Variants in TMED10 observed in about 807,000 individuals in gnomAD.
TMED10 encodes the protein transmembrane p24 trafficking protein 10, also known as transmembrane emp24 domain-containing protein 10.
TMED10 carries 7 observed loss-of-function variants against 23.1 expected under a neutral mutation model. The ratio of observed to expected loss-of-function variants is 0.30; its 90% CI spans 0.17 to 0.57. The LOEUF is 0.57. TMED10 is among the 20% of genes least tolerant of loss of function. The pLI is 0.91. For synonymous variants in TMED10, 113 were observed against 106.9 expected, an observed-to-expected ratio of 1.06 and a Z score of -0.35; for missense variants, 162 against 274.8, an observed-to-expected ratio of 0.59 and a Z score of 2.90.
At chr14:75,164,577 A>ATATTTT (rs1566675301) in intron 1 of TMED10, among the ~76,000 whole-genome samples, 2 of 45,088 alleles carry the variant, frequency 4.4e-5, no homozygotes. Context: ...ATATATATAT[A>ATATTTT]TTTTTTTTTT....
At chr14:75,161,825 A>G (rs2139852369) in intron 1 of TMED10, among the ~76,000 whole-genome samples, 1 of 152,108 alleles carries the variant, frequency 6.6e-6, no homozygotes, top group African/African-American at 2.4e-5. Context: ...GCATTTAAAA[A>G]AAAAAAAAAA....
intron 1 of TMED10, among the ~76,000 whole-genome samples, chr14:75,164,546 TATATATATATATATATATATATATA>T (rs1409139492): frequency 0.017 from 579 of 33,562 alleles, 43 homozygotes; most frequent in East Asian, 0.035. Context: ...TATATATATA[TATATATATATATATATATATATATA>T]TATATATTTT....
At chr14:75,153,397 C>T (rs1370382335) in intron 1 of TMED10, among the ~76,000 whole-genome samples, 1 of 152,112 alleles carries the variant, frequency 6.6e-6, no homozygotes, top group Non-Finnish European at 1.5e-5. Flanking sequence ...CAGACTTAAG[C>T]TGCTCTATTA....
intron 1 of TMED10, among the ~76,000 whole-genome samples, chr14:75,154,819 A>G (rs1186212020): frequency 3.3e-5 from 5 of 151,912 alleles, no homozygotes; most frequent in African/African-American, 1.2e-4. Flanking sequence ...ACATGCCACC[A>G]CACCCGGCTA....
At chr14:75,150,934 G>A (rs897860533) in intron 2 of TMED10, among the ~76,000 whole-genome samples, 1 of 152,060 alleles carries the variant, frequency 6.6e-6, no homozygotes, top group African/African-American at 2.4e-5. Flanking sequence ...ACAGAGTCTC[G>A]CTCTGTCACC....
chr14:75,170,265 A>G (rs1475079147), intron 1 of TMED10, among the ~76,000 whole-genome samples: 2 of 152,062 alleles, frequency 1.3e-5, no homozygotes, highest in African/African-American at 2.4e-5. Flanking sequence ...AACGGACACC[A>G]TGAAAAAGAC....
chr14:75,164,739 T>C lies in TMED10; in HGVS notation c.225+11616A>G, dbSNP rs183240583. ...TCTCTGGCCCATTAACCATATGTTC[T>C]AACCTAAGAGTACTAATGGATGGCA... is the stretch of plus-strand genomic sequence containing the variant. On this transcript the variant is annotated intron_variant, in intron 1 of 4. Transcript: ENST00000303575. Among the ~76,000 whole-genome samples the C allele has an allele frequency of 1.6e-4, 23 of 147,792 alleles. No individual in the cohort carries two copies. The East Asian group carries it at 4.3e-3, about 28-fold the overall frequency.
At chr14:75,147,149 T>G (rs1199594452) in intron 3 of TMED10, among the ~76,000 whole-genome samples, 2 of 151,464 alleles carry the variant, frequency 1.3e-5, no homozygotes, top group African/African-American at 4.9e-5. Context: ...GTTCAGTCTT[T>G]GGCTGACAGC....
chr14:75,152,317 T>C (rs1895964261), intron 1 of TMED10, among the ~76,000 whole-genome samples, 174 bp from the exon 2 acceptor site: 2 of 152,230 alleles, frequency 1.3e-5, no homozygotes, highest in African/African-American at 4.8e-5. Flanking sequence ...TAAATCCAAA[T>C]ACAGCAAATT....
At chr14:75,159,347 A>T (rs1157190310) in intron 1 of TMED10, among the ~76,000 whole-genome samples, 1 of 152,244 alleles carries the variant, frequency 6.6e-6, no homozygotes, top group Non-Finnish European at 1.5e-5. Flanking sequence ...AAATGTCTAA[A>T]TGTAAGTGAA....
chr14:75,168,438 A>G (rs2300600), intron 1 of TMED10, among the ~76,000 whole-genome samples: 2 of 152,228 alleles, frequency 1.3e-5, no homozygotes, highest in East Asian at 3.8e-4. Context: ...TATTTCAATG[A>G]CATATAGCAT....
At chr14:75,153,051 G>A (rs929595152) in intron 1 of TMED10, among the ~76,000 whole-genome samples, 2 of 152,214 alleles carry the variant, frequency 1.3e-5, no homozygotes, top group Non-Finnish European at 2.9e-5. Flanking sequence ...GAACCTGGGA[G>A]GCGGAGGTTG....
intron 1 of TMED10, among the ~76,000 whole-genome samples, chr14:75,174,691 C>G (rs905470336): frequency 2.0e-5 from 3 of 152,190 alleles, no homozygotes; most frequent in African/African-American, 4.8e-5. Flanking sequence ...TACCACACTA[C>G]TGGGTTCCAC....
At chr14:75,135,658 C>T (rs1895740305) in intron 4 of TMED10, 102 bp downstream of exon 4, 3 of 1,507,888 alleles carry the variant, frequency 2.0e-6, no homozygotes, top group Non-Finnish European at 2.7e-6. Context: ...CCTCCATATA[C>T]CCACCTTGGC....
At chr14:75,164,525 C>G (rs1896125926) in intron 1 of TMED10, among the ~76,000 whole-genome samples, 1 of 130,582 alleles carries the variant, frequency 7.7e-6, no homozygotes, top group African/African-American at 3.0e-5. Context: ...GCCACTGCAC[C>G]TGGCCTAATA....
intron 2 of TMED10, 108 bp downstream of exon 2, chr14:75,151,924 G>T (rs1895960293): frequency 1.0e-6 from 1 of 990,202 alleles, no homozygotes; most frequent in South Asian, 1.7e-5. Context: ...CTCCAAATCA[G>T]AATAAATAAA....
Position 75,145,324 on chromosome 14 carries a change from A to G in TMED10, c.411+2340T>C, listed in dbSNP as rs115582479. 1.0e-2 allele frequency among the ~76,000 whole-genome samples: 1,516 copies of G among 152,292 alleles called. 19 individuals carry two copies. The highest frequency in any genetic ancestry group is 0.032 in the African/African-American group (1,330 of 41,562). On this transcript the variant is annotated intron_variant, in intron 3 of 4. Transcript: ENST00000303575. ...AGATAAAGCCCCTTTCCTAATGTCT[A>G]TAAAGTCCAAGGATGATGGAAATTC...
In TMED10 at chr14:75,176,597, C is replaced by T. The variant is rs1196361574; in HGVS notation, c.-18G>A. The stretch of plus-strand genomic sequence containing the variant: ...CCAGACATGGTGCTGGAGACTCGTT[C>T]ACCACCGAAGGCCTCAACCGCGCCG... On this transcript the variant is annotated 5_prime_UTR_variant, in exon 1 of 5. Coordinates refer to ENST00000303575, the MANE Select transcript of TMED10 (RefSeq NM_006827.6). 6.2e-7 allele frequency: 1 copy of T among 1,613,594 alleles called. No individual in the cohort carries two copies. Among genetic ancestry groups the T allele is most frequent in the South Asian group, 1.1e-5 (1 of 91,000 alleles).
chr14:75,159,926 G>C (rs1368806676), intron 1 of TMED10, among the ~76,000 whole-genome samples: 2 of 152,178 alleles, frequency 1.3e-5, no homozygotes, highest in African/African-American at 4.8e-5. Flanking sequence ...AGAGGCTGAA[G>C]GCAAAGGGCC....
Sources: allele counts gnomAD v4.1 joint callset (sites outside exome capture counted in the v4.1 genomes callset), GRCh38; gene constraint gnomAD v4.1.1; transcripts MANE v1.5; gene names NCBI Gene and HGNC (gene_info 2026-07-23, HGNC 2026-07-21).